Variants in RIMS1 observed in about 807,000 individuals in gnomAD.
The protein encoded by RIMS1 is regulating synaptic membrane exocytosis protein 1.
Under a neutral mutation model 214.1 loss-of-function variants are expected in RIMS1, and 83 were observed. The ratio of observed to expected loss-of-function variants is 0.39; its 90% confidence interval spans 0.32 to 0.47. The LOEUF is 0.47. Among genes scored for constraint, RIMS1 ranks in the 20% least tolerant of loss-of-function variants. The pLI, the probability that RIMS1 is intolerant of heterozygous loss-of-function variation, is 0.99. For missense variants in RIMS1, 2,050 were observed against 2,161.8 expected (o/e 0.95, Z 1.03); for synonymous variants, 793 against 786.8 (o/e 1.01, Z -0.13).
At chr6:72,340,239 G>A (rs1316320092) in intron 29 of RIMS1, among the ~76,000 whole-genome samples, 17 of 151,920 alleles carry the variant, frequency 1.1e-4, no homozygotes, top group African/African-American at 3.9e-4. Context: ...TAGGTTGCCT[G>A]TTCACTCTGA....
intron 2 of RIMS1, among the ~76,000 whole-genome samples, chr6:71,994,123 A>T (rs967347131): frequency 1.3e-5 from 2 of 152,184 alleles, no homozygotes; most frequent in Non-Finnish European, 2.9e-5. Context: ...GGGAGATGGT[A>T]ATGGGAATTC....
At chr6:72,213,228 C>T (rs2054180955) in intron 6 of RIMS1, 1 of 1,534,460 alleles carries the variant, frequency 6.5e-7, no homozygotes. Flanking sequence ...TGCTGGTAAG[C>T]AATAGATAAT....
At chr6:71,920,586 G>C (rs1455658926) in intron 1 of RIMS1, among the ~76,000 whole-genome samples, 2 of 152,066 alleles carry the variant, frequency 1.3e-5, no homozygotes, top group Admixed American at 6.6e-5. Context: ...TAATTAGTGG[G>C]TACTCTGTTT....
intron 6 of RIMS1, among the ~76,000 whole-genome samples, chr6:72,200,939 G>A (rs773526724): frequency 6.7e-6 from 1 of 150,102 alleles, no homozygotes; most frequent in South Asian, 2.1e-4. Context: ...CTAAGAATAT[G>A]CATTAAGAAA....
intron 28 of RIMS1, among the ~76,000 whole-genome samples, chr6:72,326,324 C>T (rs1006136930): frequency 6.6e-6 from 1 of 151,628 alleles, no homozygotes; most frequent in African/African-American, 2.4e-5. Context: ...GTTTTTTATC[C>T]TCTTCCAAAA....
At chr6:72,271,278 A>T (rs1488152017) in intron 22 of RIMS1, among the ~76,000 whole-genome samples, 627 of 50,780 alleles carry the variant, frequency 0.012, 2 homozygotes, top group Non-Finnish European at 0.019. Context: ...GGAAAAAAAA[A>T]AAAAAAAAAT....
chr6:72,151,199 T>G (rs1193197261), intron 4 of RIMS1, among the ~76,000 whole-genome samples: 1 of 152,058 alleles, frequency 6.6e-6, no homozygotes, highest in Non-Finnish European at 1.5e-5. Context: ...CCCGCCACCA[T>G]GCCTGGCTAA....
chr6:72,331,834 A>C (rs2096669566), intron 28 of RIMS1, among the ~76,000 whole-genome samples: 1 of 151,854 alleles, frequency 6.6e-6, no homozygotes, highest in Admixed American at 6.6e-5. Flanking sequence ...AAAGAATAAG[A>C]ATCATTTATT....
chr6:71,919,231 A>C (rs191974096), intron 1 of RIMS1, among the ~76,000 whole-genome samples: 44 of 152,146 alleles, frequency 2.9e-4, no homozygotes, highest in South Asian at 1.7e-3. Context: ...GTCAGTGGGG[A>C]GAGATAGGTG....
intron 2 of RIMS1, among the ~76,000 whole-genome samples, chr6:72,006,277 C>T (rs1036444342): frequency 1.2e-4 from 19 of 152,062 alleles, no homozygotes; most frequent in African/African-American, 4.3e-4. Flanking sequence ...ACATTCATTC[C>T]GTTGCAACTT....
At chr6:72,126,631 G>C in intron 4 of RIMS1, 1 of 232,436 alleles carries the variant, frequency 4.3e-6, no homozygotes, top group Non-Finnish European at 8.7e-6. Context: ...TGAATAGACA[G>C]TTCTCAAAAG....
At chr6:72,261,072 C>T (rs991272033) in intron 19 of RIMS1, 3 of 1,210,128 alleles carry the variant, frequency 2.5e-6, no homozygotes, top group Non-Finnish European at 2.1e-6. Flanking sequence ...TAAATGCTCA[C>T]TGTGAGTGCC....
At chr6:71,895,024 G>T (rs1253921204) in intron 1 of RIMS1, among the ~76,000 whole-genome samples, 3 of 152,076 alleles carry the variant, frequency 2.0e-5, no homozygotes, top group African/African-American at 4.8e-5. Context: ...CATAGAGAAG[G>T]TATGTAAATT....
At chr6:72,057,518 CT>C (rs931228499) in intron 2 of RIMS1, among the ~76,000 whole-genome samples, 1 of 70,888 alleles carries the variant, frequency 1.4e-5, no homozygotes, top group African/African-American at 5.2e-5. Flanking sequence ...TTTTTTTTTT[CT>C]TTTTTTGAGA....
intron 23 of RIMS1, among the ~76,000 whole-genome samples, chr6:72,277,531 G>A (rs971516629): frequency 4.7e-5 from 7 of 149,960 alleles, no homozygotes; most frequent in Non-Finnish European, 7.4e-5. Flanking sequence ...GCAGTGAGCC[G>A]ACATCGCGCC....
Position 72,274,392 on chromosome 6 carries a change from C to T in RIMS1, c.3442C>T (p.Pro1148Ser). The T allele has an allele frequency of 6.2e-7, 1 of 1,613,142 alleles. No individual in the cohort carries two copies. The highest frequency in any genetic ancestry group is 8.5e-7 in the Non-Finnish European group (1 of 1,179,368). Residue 1148 changes from proline to serine, a missense_variant, in exon 23 of 34, where the codon CCC becomes TCC. Around this residue, in one of 6 missense-constraint regions of RIMS1, gnomAD observed 889 missense variants for 885.5 expected, o/e 1.00. Transcript: ENST00000521978. Reference protein sequence around the residue: ...PSLDRRRPPSPRIQIQHASPE... With the variant: ...PSLDRRRPPSSRIQIQHASPE... ...CCTAGATAGGAGACGACCTCCTAGT[C>T]CCAGGATTCAAATCCAGCATGCGTC...
chr6:72,192,787 G>A (rs148183040), intron 6 of RIMS1, among the ~76,000 whole-genome samples: 91 of 152,262 alleles, frequency 6.0e-4, no homozygotes, highest in Middle Eastern at 3.4e-3. Context: ...AGGGCTGAAA[G>A]GCTAAGCCAG....
At chr6:72,017,905 C>A (rs1184466790) in intron 2 of RIMS1, among the ~76,000 whole-genome samples, 2 of 152,152 alleles carry the variant, frequency 1.3e-5, no homozygotes, top group Admixed American at 6.6e-5. Flanking sequence ...GGAACTGTGC[C>A]TGGATCACTG....
chr6:72,164,277 G>A (rs1473150508), intron 4 of RIMS1, among the ~76,000 whole-genome samples: 2 of 152,082 alleles, frequency 1.3e-5, no homozygotes, highest in African/African-American at 2.4e-5. Context: ...CGATTTTCCA[G>A]GTGCCGTCTG....
Sources: allele counts gnomAD v4.1 joint callset (sites outside exome capture counted in the v4.1 genomes callset), GRCh38; gene constraint gnomAD v4.1.1; regional missense constraint gnomAD v4.1.1; transcripts MANE v1.5; gene names NCBI Gene and HGNC (gene_info 2026-07-23, HGNC 2026-07-21).